The following FAM240A variants were observed in gnomAD, a reference collection of about 807,000 sequenced individuals.
FAM240A encodes the protein family with sequence similarity 240 member A.
Under a neutral mutation model 7.3 loss-of-function variants are expected in FAM240A, and 8 were observed. That is an observed-to-expected ratio of 1.09 (90% CI 0.64 to 1.97). The LOEUF is 1.97. Among genes scored for constraint, FAM240A ranks in the 30% most tolerant of loss-of-function variants. FAM240A has a pLI of 0.00. For missense variants in FAM240A, 90 were observed against 102.2 expected (o/e 0.88, Z 0.52); for synonymous variants, 32 against 35.9 (o/e 0.89, Z 0.38).
At chr3:46,617,417 T>C (rs1697643158) in intron 2 of FAM240A, 89 bp downstream of exon 2, 1 of 1,236,736 alleles carries the variant, frequency 8.1e-7, no homozygotes, top group Non-Finnish European at 1.1e-6. Context: ...CACAGCAAAA[T>C]TGAGCAGAAG....
chr3:46,612,991 G>C (rs1203553408), intron 1 of FAM240A, among the ~76,000 whole-genome samples: 1 of 152,184 alleles, frequency 6.6e-6, no homozygotes, highest in African/African-American at 2.4e-5. Flanking sequence ...CACGTTACCT[G>C]TGAAGGAATG....
intron 2 of FAM240A, among the ~76,000 whole-genome samples, chr3:46,620,260 A>G (rs767878978): frequency 6.6e-6 from 1 of 150,988 alleles, no homozygotes; most frequent in Non-Finnish European, 1.5e-5. Context: ...CCTGTTTTCT[A>G]GCAGTGACTT....
intron 1 of FAM240A, among the ~76,000 whole-genome samples, chr3:46,614,338 T>C (rs1450441574): frequency 3.3e-5 from 5 of 152,238 alleles, no homozygotes; most frequent in Non-Finnish European, 1.5e-5. Flanking sequence ...GCCACTACAG[T>C]TCTGCTCATA....
chr3:46,612,793 C>A, intron 1 of FAM240A, 95 bp downstream of exon 1: 2 of 961,340 alleles, frequency 2.1e-6, no homozygotes, highest in Non-Finnish European at 3.2e-6. Flanking sequence ...TCACTGGACG[C>A]AGCAGCACGA....
chr3:46,617,116 T>C (rs766155750), intron 1 of FAM240A, 67 bp from the exon 2 acceptor site: 75 of 1,028,530 alleles, frequency 7.3e-5, no homozygotes, highest in Non-Finnish European at 1.0e-4. Context: ...ATTTCCCTGA[T>C]GATGAGTGAT....
chr3:46,615,501 A>C (rs111474803), intron 1 of FAM240A, among the ~76,000 whole-genome samples: 1 of 152,142 alleles, frequency 6.6e-6, no homozygotes. Context: ...CCAGCAGCCC[A>C]GTTCCTCCTC....
At chr3:46,622,107 T>C (rs13095773) in intron 2 of FAM240A, among the ~76,000 whole-genome samples, 1 of 123,750 alleles carries the variant, frequency 8.1e-6, no homozygotes, top group African/African-American at 3.2e-5. Context: ...GAAAATTTTC[T>C]TTTTTTTTTT....
At chr3:46,618,867 GTA>G (rs35741930) in intron 2 of FAM240A, among the ~76,000 whole-genome samples, 2,248 of 138,592 alleles carry the variant, frequency 0.016, 34 homozygotes, top group African/African-American at 0.033. Flanking sequence ...ATATATATAT[GTA>G]TATATATATA....
At chr3:46,625,106 T>C in intron 2 of FAM240A, 22 bp from the exon 3 acceptor site, 1 of 1,505,050 alleles carries the variant, frequency 6.6e-7, no homozygotes, top group South Asian at 1.2e-5. Flanking sequence ...GCTCCATCTG[T>C]GTGTTTGGTT....
intron 2 of FAM240A, among the ~76,000 whole-genome samples, chr3:46,618,421 G>T (rs1479332710): frequency 1.3e-5 from 2 of 152,190 alleles, no homozygotes; most frequent in African/African-American, 4.8e-5. Flanking sequence ...GCAGGCAAAA[G>T]GCTTCAGGTG....
At chr3:46,614,528 A>G (rs1240904108) in intron 1 of FAM240A, among the ~76,000 whole-genome samples, 1 of 152,250 alleles carries the variant, frequency 6.6e-6, no homozygotes, top group Non-Finnish European at 1.5e-5. Context: ...GTAGAGATGG[A>G]TGTCACTCTT....
At chr3:46,619,908 G>A (rs534028080) in intron 2 of FAM240A, among the ~76,000 whole-genome samples, 13 of 152,186 alleles carry the variant, frequency 8.5e-5, no homozygotes, top group Admixed American at 2.6e-4. Context: ...TATTGCTCGT[G>A]TATTCTCCAA....
At position 46,617,235 on chromosome 3, in the gene FAM240A, A is replaced by G. The variant is rs750482894; in HGVS notation, c.68A>G (p.His23Arg). The G allele has an allele frequency of 1.1e-4, 165 of 1,535,578 alleles. No individual in the cohort carries two copies. The highest frequency in any genetic ancestry group is 1.7e-4 in the Middle Eastern group (1 of 6,010). ...GAGGTCTTCTGCCGGAACACCTGCC[A>G]TGATCTCAAGCATTTCTGGGAAAGG... ...RREVFCRNTC[H>R]DLKHFWEREI... The change falls in exon 2 of 3, where the codon CAT becomes CGT. Residue 23 changes from histidine (H) to arginine (R), a missense_variant. By Grantham distance (29) the His-to-Arg change is conservative (BLOSUM62 0). Coordinates refer to ENST00000640551, the MANE Select transcript of FAM240A (RefSeq NM_001195442.2).
chr3:46,622,307 C>G (rs1158797634), intron 2 of FAM240A, among the ~76,000 whole-genome samples: 1 of 151,688 alleles, frequency 6.6e-6, no homozygotes, highest in African/African-American at 2.4e-5. Flanking sequence ...GGGGTTTCAC[C>G]GTGTTAGCCA....
At chr3:46,613,795 C>T (rs190473007) in intron 1 of FAM240A, among the ~76,000 whole-genome samples, 1 of 152,322 alleles carries the variant, frequency 6.6e-6, no homozygotes, top group Non-Finnish European at 1.5e-5. Flanking sequence ...CATTTCAGTG[C>T]CTATCACGTG....
chr3:46,622,907 C>G (rs1401585909), intron 2 of FAM240A, among the ~76,000 whole-genome samples: 4 of 152,082 alleles, frequency 2.6e-5, no homozygotes, highest in Non-Finnish European at 5.9e-5. Flanking sequence ...TGTAAAACAG[C>G]CTGCTGGTTT....
rs75349231 is a variant in FAM240A, at chr3:46,620,498, CA to C, written c.161+3185del. On this transcript the variant is annotated intron_variant, in intron 2 of 2. Coordinates refer to ENST00000640551, the MANE Select transcript of FAM240A (RefSeq NM_001195442.2). ...TATATCACCCGTACTGTAGTTTTGT[CA>C]AAAAAAAAAAAAAATCCGGATCTAA... is the stretch of plus-strand genomic sequence containing the variant. 4.6e-3 allele frequency among the ~76,000 whole-genome samples: 631 copies of C among 136,596 alleles called. 5 individuals carry two copies. Among genetic ancestry groups the C allele is most frequent in the Admixed American group, 5.9e-3 (80 of 13,502 alleles). The allele number at this position is 136,596 out of a possible 152,430, so 89.6% of individuals were successfully genotyped here.
rs888763219 is a variant in FAM240A, at chr3:46,612,529, T to C, written c.-155T>C. The C allele has an allele frequency of 1.6e-6, 1 of 621,372 alleles. No individual in the cohort carries two copies. The highest frequency in any genetic ancestry group is 2.8e-6 in the Non-Finnish European group (1 of 352,120). The allele number at this position is 621,372 out of a possible 1,614,324, so 38.5% of individuals were successfully genotyped here. ...GTAACTGAGACTTGGGAAATCAAAT[T>C]GCTGGCACAGCGTTAAGGCTTGCGA... On this transcript the variant is annotated 5_prime_UTR_variant, in exon 1 of 3. Transcript: ENST00000640551.
intron 2 of FAM240A, among the ~76,000 whole-genome samples, chr3:46,623,068 A>G (rs994522623): frequency 1.3e-5 from 2 of 152,224 alleles, no homozygotes; most frequent in Non-Finnish European, 1.5e-5. Flanking sequence ...TTTTCAGCAC[A>G]TAAGTCATAT....
Sources: allele counts gnomAD v4.1 joint callset (sites outside exome capture counted in the v4.1 genomes callset), GRCh38; gene constraint gnomAD v4.1.1; transcripts MANE v1.5; gene names NCBI Gene and HGNC (gene_info 2026-07-23, HGNC 2026-07-21).